The following ENOX1 variants were observed in gnomAD, a reference collection of about 807,000 sequenced individuals.
ENOX1 encodes the protein ecto-NOX disulfide-thiol exchanger 1.
A neutral mutation model predicts 82.5 loss-of-function variants in ENOX1; 42 were observed. The observed-to-expected ratio is 0.51, with a 90% CI of 0.40 to 0.66. The LOEUF (loss-of-function observed/expected upper bound fraction) is 0.66, where lower values mean the gene tolerates loss of function less well. Ranked by LOEUF, ENOX1 falls within the 30% of genes least tolerant of loss-of-function variation. The probability of loss-of-function intolerance (pLI) is 0.00; values close to 1 mark genes in which losing one functional copy is unlikely to be tolerated. For missense variants in ENOX1, 608 were observed against 811.6 expected (o/e 0.75, Z 3.05); for synonymous variants, 271 against 282.2 (o/e 0.96, Z 0.40).
intron 14 of ENOX1, among the ~76,000 whole-genome samples, chr13:43,260,377 G>A (rs1268218624): frequency 6.6e-6 from 1 of 152,232 alleles, no homozygotes; most frequent in East Asian, 1.9e-4. Context: ...AATTGCAAAT[G>A]ATTTCTTTAA....
chr13:43,642,870 T>C (rs1428422969), intron 2 of ENOX1, among the ~76,000 whole-genome samples: 1 of 152,226 alleles, frequency 6.6e-6, no homozygotes, highest in Non-Finnish European at 1.5e-5. Flanking sequence ...ATATTCTCTT[T>C]CCTCATTTAT....
intron 2 of ENOX1, among the ~76,000 whole-genome samples, chr13:43,530,915 G>C (rs1374235137): frequency 6.6e-6 from 1 of 151,932 alleles, no homozygotes; most frequent in African/African-American, 2.4e-5. Context: ...ATCTGTATCA[G>C]TAATAGGAGT....
intron 3 of ENOX1, among the ~76,000 whole-genome samples, chr13:43,443,245 G>A (rs74690643): frequency 0.015 from 2,288 of 152,108 alleles, 62 homozygotes; most frequent in African/African-American, 0.052. Flanking sequence ...TGTTCAATTC[G>A]GATGTGGGGA....
chr13:43,240,369 T>G (rs2042758289), intron 14 of ENOX1, among the ~76,000 whole-genome samples: 2 of 152,248 alleles, frequency 1.3e-5, no homozygotes, highest in Admixed American at 6.5e-5. Context: ...GCTGGAGAAG[T>G]AGGTAGATCA....
chr13:43,540,436 T>C (rs910229635), intron 2 of ENOX1, among the ~76,000 whole-genome samples: 2 of 152,012 alleles, frequency 1.3e-5, no homozygotes, highest in Non-Finnish European at 2.9e-5. Flanking sequence ...TTCAGACAAG[T>C]TGAAAAAAAG....
intron 13 of ENOX1, among the ~76,000 whole-genome samples, chr13:43,267,725 G>A (rs140944640): frequency 4.4e-4 from 67 of 152,304 alleles, no homozygotes; most frequent in African/African-American, 1.5e-3. Flanking sequence ...GGCCCCTTTT[G>A]CAAGAACCAC....
At chr13:43,226,829 G>A (rs891640050) in intron 15 of ENOX1, among the ~76,000 whole-genome samples, 4 of 152,314 alleles carry the variant, frequency 2.6e-5, no homozygotes, top group South Asian at 2.1e-4. Flanking sequence ...AGCATTCCTC[G>A]GGTGGACATC....
intron 15 of ENOX1, among the ~76,000 whole-genome samples, chr13:43,232,290 T>C (rs917313986): frequency 4.6e-5 from 7 of 152,128 alleles, no homozygotes; most frequent in Non-Finnish European, 8.8e-5. Context: ...TTTTCCACAA[T>C]GAAGACGGAT....
In ENOX1 at chr13:43,238,651, A is replaced by G. The variant is rs75408358; in HGVS notation, c.1612-1913T>C. ...CAAGAGAGGTGTAGGAAGAAAGTGG[A>G]TGGAAGAACATTAACTAGGATAATG... On this transcript the variant is annotated intron_variant, in intron 14 of 16. Coordinates refer to ENST00000690772, the MANE Select transcript of ENOX1 (RefSeq NM_001347969.2). Among the ~76,000 whole-genome samples, 68 of 152,302 alleles carry G rather than the reference A, an allele frequency of 4.5e-4. 1 individual carries two copies. Among genetic ancestry groups the G allele is most frequent in the African/African-American group, 1.6e-3 (66 of 41,544 alleles).
intron 3 of ENOX1, among the ~76,000 whole-genome samples, chr13:43,433,361 G>A (rs2055801754): frequency 6.6e-6 from 1 of 152,232 alleles, no homozygotes; most frequent in Non-Finnish European, 1.5e-5. Flanking sequence ...AGCCATTCAT[G>A]AGGGATCTAA....
chr13:43,230,161 G>A (rs1433327774), intron 15 of ENOX1, among the ~76,000 whole-genome samples: 1 of 152,196 alleles, frequency 6.6e-6, no homozygotes, highest in Non-Finnish European at 1.5e-5. Flanking sequence ...GCATCATGAT[G>A]GCGGAGAGAA....
intron 15 of ENOX1, among the ~76,000 whole-genome samples, chr13:43,227,918 TC>T (rs1326998164): frequency 6.6e-6 from 1 of 151,938 alleles, no homozygotes; most frequent in Non-Finnish European, 1.5e-5. Context: ...TGAGTCATCA[TC>T]CTCCCCGGTA....
chr13:43,642,456 T>G (rs1415593734), intron 2 of ENOX1, among the ~76,000 whole-genome samples: 1 of 152,200 alleles, frequency 6.6e-6, no homozygotes, highest in Non-Finnish European at 1.5e-5. Context: ...TAACTAACTG[T>G]GAGTTGAAGT....
chr13:43,655,297 G>T (rs549318788), intron 2 of ENOX1, among the ~76,000 whole-genome samples: 1 of 152,120 alleles, frequency 6.6e-6, no homozygotes, highest in Non-Finnish European at 1.5e-5. Context: ...GAAGAGAACC[G>T]ACCTGTTCCA....
chr13:43,641,835 T>A (rs1036791301), intron 2 of ENOX1, among the ~76,000 whole-genome samples: 1 of 152,220 alleles, frequency 6.6e-6, no homozygotes, highest in Non-Finnish European at 1.5e-5. Flanking sequence ...GCTGGGCCAC[T>A]TTTTAAATTT....
intron 2 of ENOX1, among the ~76,000 whole-genome samples, chr13:43,569,626 T>G (rs2080082234): frequency 6.6e-6 from 1 of 151,434 alleles, no homozygotes; most frequent in South Asian, 2.1e-4. Flanking sequence ...TTTATTAGAA[T>G]CTTTTCCTTA....
rs186633133 is a variant in ENOX1, at chr13:43,280,148, C to A, written c.1447-10571G>T. Among the ~76,000 whole-genome samples, 193 of 152,342 alleles carry A rather than the reference C, an allele frequency of 1.3e-3. 2 individuals are homozygous for A. The highest frequency in any genetic ancestry group is 1.5e-3 in the East Asian group (8 of 5,188). ...TTTAAAATATTAACATGCTTTCCAG[C>A]CAGGTTGGCCCATTTACTTCAATCA... On this transcript the variant is annotated intron_variant, in intron 12 of 16. Transcript: ENST00000690772.
chr13:43,717,526 C>A (rs7318133), intron 1 of ENOX1, among the ~76,000 whole-genome samples: 1 of 151,958 alleles, frequency 6.6e-6, no homozygotes, highest in Non-Finnish European at 1.5e-5. Flanking sequence ...GCAACAAAAA[C>A]AAAAATTGAC....
chr13:43,360,465 C>T (rs1023845326), intron 6 of ENOX1, among the ~76,000 whole-genome samples: 17 of 152,046 alleles, frequency 1.1e-4, no homozygotes, highest in African/African-American at 3.6e-4. Context: ...AGCGGCAAAA[C>T]AGAATACGGG....
Sources: allele counts gnomAD v4.1 joint callset (sites outside exome capture counted in the v4.1 genomes callset), GRCh38; gene constraint gnomAD v4.1.1; transcripts MANE v1.5; gene names NCBI Gene and HGNC (gene_info 2026-07-23, HGNC 2026-07-21).